Variants in TTC3 observed in about 807,000 individuals in gnomAD.
TTC3 encodes E3 ubiquitin-protein ligase TTC3.
A neutral mutation model predicts 249.6 loss-of-function variants in TTC3; 180 were observed. The observed-to-expected ratio is 0.72, with a 90% CI of 0.64 to 0.82. The LOEUF (loss-of-function observed/expected upper bound fraction) is 0.82, where lower values mean the gene tolerates loss of function less well. Among genes scored for constraint, TTC3 ranks in the 40% least tolerant of loss-of-function variants. The pLI is 0.00. For synonymous variants in TTC3, 717 were observed against 805.0 expected, an observed-to-expected ratio of 0.89 and a Z score of 1.85; for missense variants, 2,061 against 2,398.4, an observed-to-expected ratio of 0.86 and a Z score of 2.94.
intron 39 of TTC3, among the ~76,000 whole-genome samples, chr21:37,189,395 G>A (rs2083718526): frequency 6.6e-6 from 1 of 151,928 alleles, no homozygotes; most frequent in Non-Finnish European, 1.5e-5. Flanking sequence ...ACAGGCGCGT[G>A]CCACATGCCC....
intron 18 of TTC3, among the ~76,000 whole-genome samples, chr21:37,138,284 C>G (rs148138996): frequency 7.3e-4 from 111 of 152,310 alleles, no homozygotes; most frequent in African/African-American, 2.6e-3. Flanking sequence ...CCCACAGTAT[C>G]TCTGAGGTAT....
chr21:37,163,930 A>G lies in TTC3; in HGVS notation c.3171-121A>G, dbSNP rs1046190423. The G allele has an allele frequency of 3.4e-6, 4 of 1,180,410 alleles. No individual in the cohort carries two copies. The African/African-American group carries it at 4.7e-5, about 14-fold the overall frequency. The allele number at this position is 1,180,410 out of a possible 1,614,324, so 73.1% of individuals were successfully genotyped here. ...TTCCCTGGTGCTATTTTTTTGCAAC[A>G]TAGAGCTGAGTAATATATTGCCATT... On this transcript the variant is annotated intron_variant, in intron 31 of 45. Coordinates refer to ENST00000355666, the Ensembl canonical transcript of TTC3.
intron 45 of TTC3, 151 bp from the exon 46 acceptor site, chr21:37,201,289 C>CGGGT: frequency 1.1e-6 from 1 of 935,190 alleles, no homozygotes; most frequent in Non-Finnish European, 1.7e-6. Context: ...CTGGCCTGAG[C>CGGGT]GGGTGTTGGT....
At chr21:37,099,745 C>T (rs2074295178) in intron 10 of TTC3, among the ~76,000 whole-genome samples, 1 of 152,126 alleles carries the variant, frequency 6.6e-6, no homozygotes, top group Non-Finnish European at 1.5e-5. Flanking sequence ...AGCAATTTGA[C>T]AAGGTGAAGA....
chr21:37,087,903 A>G, intron 3 of TTC3, 28 bp downstream of exon 3: 1 of 1,547,780 alleles, frequency 6.5e-7, no homozygotes, highest in Non-Finnish European at 8.9e-7. Flanking sequence ...TTTAATGTTA[A>G]TTTATGGAAA....
At chr21:37,152,900 AATTGT>A in intron 26 of TTC3, 46 bp from the exon 27 acceptor site, 1 of 1,389,292 alleles carries the variant, frequency 7.2e-7, no homozygotes, top group African/African-American at 1.4e-5. Flanking sequence ...AAGTTTATGT[AATTGT>A]GAATTAGTCC....
chr21:37,118,587 C>G (rs148491553), intron 11 of TTC3, among the ~76,000 whole-genome samples: 3 of 152,280 alleles, frequency 2.0e-5, no homozygotes, highest in East Asian at 3.9e-4. Context: ...AGAAACTGAA[C>G]TCAGATTTGA....
At chr21:37,075,645 G>C (rs1404819562) in intron 1 of TTC3, among the ~76,000 whole-genome samples, 4 of 152,144 alleles carry the variant, frequency 2.6e-5, no homozygotes, top group Admixed American at 2.6e-4. Flanking sequence ...TGCTAAATTT[G>C]CTTGTAGCCA....
chr21:37,077,324 A>C (rs1336886618), intron 1 of TTC3, among the ~76,000 whole-genome samples: 5 of 147,722 alleles, frequency 3.4e-5, no homozygotes, highest in Non-Finnish European at 6.0e-5. Flanking sequence ...GTTTGCGAGC[A>C]AAAAAAAAAG....
chr21:37,092,841 TAGC>T (rs2073448360), intron 7 of TTC3, among the ~76,000 whole-genome samples: 1 of 152,182 alleles, frequency 6.6e-6, no homozygotes, highest in Non-Finnish European at 1.5e-5. Context: ...TTTTATATAA[TAGC>T]TTACAATGTA....
At chr21:37,183,007 C>A in intron 36 of TTC3, 94 bp downstream of exon 36, 1 of 1,085,800 alleles carries the variant, frequency 9.2e-7, no homozygotes, top group Non-Finnish European at 1.3e-6. Context: ...TATTAAACTA[C>A]ATCAAGTAAA....
intron 12 of TTC3, among the ~76,000 whole-genome samples, chr21:37,122,233 C>G (rs1235680421): frequency 6.6e-6 from 1 of 150,926 alleles, no homozygotes; most frequent in African/African-American, 2.4e-5. Context: ...ATTTATTCCT[C>G]TGTAGAAAAA....
intron 15 of TTC3, among the ~76,000 whole-genome samples, chr21:37,128,025 A>G (rs1303212532): frequency 6.6e-6 from 1 of 152,220 alleles, no homozygotes; most frequent in Non-Finnish European, 1.5e-5. Flanking sequence ...CAGCATTTAC[A>G]TACAGGGGAA....
chr21:37,115,946 TTTC>T (rs1241780388), intron 11 of TTC3, among the ~76,000 whole-genome samples: 1 of 152,226 alleles, frequency 6.6e-6, no homozygotes, highest in African/African-American at 2.4e-5. Context: ...TTCCTACGCA[TTTC>T]TTATCTTCTT....
chr21:37,126,086 G>C, exon 15 of TTC3: 1 of 1,607,504 alleles, frequency 6.2e-7, no homozygotes, highest in African/African-American at 1.3e-5. Context: ...GCAGGTGGCG[G>C]ATGAGGCGTT....
rs1317517267 is a variant in TTC3, at chr21:37,198,036, C to T, written c.5850+11C>T. The T allele has an allele frequency of 2.5e-6, 4 of 1,574,668 alleles. No individual in the cohort carries two copies. The highest frequency in any genetic ancestry group is 1.4e-5 in the African/African-American group (1 of 72,942). ...GTCCCTGTGAGGATTGTATGTATAA[C>T]TGTATAGTTTTGTTTTTTAATGAAA... On this transcript the variant is annotated intron_variant, in intron 44 of 45. Coordinates refer to ENST00000355666, the Ensembl canonical transcript of TTC3.
In TTC3 at chr21:37,153,037, G is replaced by A. The variant is rs529096788; in HGVS notation, c.2500G>A (p.Gly834Ser). ...GCAGTATGCTGACAAGATTAAATCCGGCATACAGAATACAGCCATGCTTCT... is the reference window on the plus strand; with the variant it reads ...GCAGTATGCTGACAAGATTAAATCCAGCATACAGAATACAGCCATGCTTCT... The change falls in exon 27 of 46, where the codon GGC becomes AGC. Residue 834 changes from glycine to serine, a missense_variant. Coordinates refer to ENST00000355666, the Ensembl canonical transcript of TTC3. 19 of 1,613,900 alleles carry A rather than the reference G, an allele frequency of 1.2e-5. No individual in the cohort carries two copies. In the East Asian group the frequency reaches 1.3e-4, roughly 11 times the overall value.
chr21:37,096,547 G>A, intron 9 of TTC3, 34 bp from the exon 10 acceptor site: 1 of 1,508,770 alleles, frequency 6.6e-7, no homozygotes, highest in Non-Finnish European at 9.1e-7. Flanking sequence ...CATGTGTAAT[G>A]TGCTTTACTG....
Position 37,195,674 on chromosome 21 carries a change from G to A in TTC3, c.5218-1G>A. 6.2e-7 allele frequency: 1 copy of A among 1,601,308 alleles called. No homozygotes were observed. Among genetic ancestry groups the A allele is most frequent in the African/African-American group, 1.3e-5 (1 of 74,920 alleles). ...TCCATGGTGTGGTGTGTTCCTCACAGGTTCATCCCGAGTTACTCCCTGAGT... is the reference window on the plus strand; with the variant it reads ...TCCATGGTGTGGTGTGTTCCTCACAAGTTCATCCCGAGTTACTCCCTGAGT... On this transcript the variant is annotated splice_acceptor_variant, in intron 41 of 45. Coordinates refer to ENST00000355666, the Ensembl canonical transcript of TTC3. LOFTEE classifies it high-confidence loss of function.
Sources: allele counts gnomAD v4.1 joint callset (sites outside exome capture counted in the v4.1 genomes callset), GRCh38; gene constraint gnomAD v4.1.1; transcripts MANE v1.5; gene names NCBI Gene and HGNC (gene_info 2026-07-23, HGNC 2026-07-21).